The following GPHN variants were observed in gnomAD, a reference collection of about 807,000 sequenced individuals.
The protein encoded by GPHN is gephyrin.
A neutral mutation model predicts 95.5 loss-of-function variants in GPHN; 17 were observed. The ratio of observed to expected loss-of-function variants is 0.18; its 90% CI spans 0.12 to 0.27. The LOEUF (loss-of-function observed/expected upper bound fraction) is 0.27, where lower values mean the gene tolerates loss of function less well. GPHN is among the 10% of genes least tolerant of loss of function. The probability of loss-of-function intolerance (pLI) is 1.00; values close to 1 mark genes in which losing one functional copy is unlikely to be tolerated. For synonymous variants in GPHN, 320 were observed against 322.5 expected, an observed-to-expected ratio of 0.99 and a Z score of 0.08; for missense variants, 660 against 978.1, an observed-to-expected ratio of 0.67 and a Z score of 4.34.
At chr14:66,537,715 T>C (rs1019314202) in intron 1 of GPHN, among the ~76,000 whole-genome samples, 9 of 152,226 alleles carry the variant, frequency 5.9e-5, no homozygotes, top group African/African-American at 2.2e-4. Flanking sequence ...ATTCCTTTAA[T>C]ATTTCTTGTA....
At chr14:67,348,005 T>A in the GPHN span, among the ~76,000 whole-genome samples, 1 of 151,718 alleles carries the variant, frequency 6.6e-6, no homozygotes, top group African/African-American at 2.4e-5. Context: ...CACCGCCTCC[T>A]GGGGTCAAGT....
At chr14:66,524,139 AT>A (rs1171979501) in intron 1 of GPHN, among the ~76,000 whole-genome samples, 2 of 152,152 alleles carry the variant, frequency 1.3e-5, no homozygotes, top group East Asian at 3.8e-4. Context: ...TACTATGGTT[AT>A]GGAATACTAA....
the GPHN span, among the ~76,000 whole-genome samples, chr14:67,372,845 CAAA>C: frequency 6.6e-6 from 1 of 150,484 alleles, no homozygotes; most frequent in South Asian, 2.1e-4. Context: ...AAACAAAAAA[CAAA>C]CAAAAAAACC....
chr14:66,891,416 A>G (rs2064494066), intron 5 of GPHN, among the ~76,000 whole-genome samples: 1 of 152,164 alleles, frequency 6.6e-6, no homozygotes. Flanking sequence ...TTTTCAACGA[A>G]TGGTGTTGGG....
chr14:66,783,995 A>G (rs1022859332), intron 3 of GPHN, among the ~76,000 whole-genome samples: 22 of 152,222 alleles, frequency 1.4e-4, no homozygotes, highest in Non-Finnish European at 1.5e-5. Flanking sequence ...TCATACCAAG[A>G]ACAAGGAAAA....
At chr14:67,470,506 C>G in the GPHN span, 1 of 152,566 alleles carries the variant, frequency 6.6e-6, no homozygotes, top group East Asian at 1.9e-4. Context: ...GCCATGGCTC[C>G]CCTAAGGGCT....
At chr14:67,477,039 G>A in the GPHN span, among the ~76,000 whole-genome samples, 60 of 152,038 alleles carry the variant, frequency 3.9e-4, no homozygotes, top group Admixed American at 2.6e-4. Flanking sequence ...GGTGGCATGC[G>A]CCTATAATCC....
At chr14:67,534,835 C>A in the GPHN span, among the ~76,000 whole-genome samples, 2 of 152,056 alleles carry the variant, frequency 1.3e-5, no homozygotes, top group East Asian at 1.9e-4. Context: ...AAGTGTACAT[C>A]ATTTACCCCT....
chr14:67,459,428 T>C, the GPHN span, among the ~76,000 whole-genome samples: 3 of 152,212 alleles, frequency 2.0e-5, no homozygotes, highest in Non-Finnish European at 4.4e-5. Context: ...TCTGAGCTTG[T>C]TTTCTCTATT....
At chr14:67,354,790 A>G in the GPHN span, among the ~76,000 whole-genome samples, 1 of 152,150 alleles carries the variant, frequency 6.6e-6, no homozygotes, top group African/African-American at 2.4e-5. Context: ...ACTTTTTACT[A>G]CTATATTCTT....
intron 18 of GPHN, among the ~76,000 whole-genome samples, chr14:67,151,326 T>G (rs2081275895): frequency 6.6e-6 from 1 of 152,228 alleles, no homozygotes; most frequent in South Asian, 2.1e-4. Context: ...CTTAATTGAT[T>G]TGGCCTCAGA....
the GPHN span, among the ~76,000 whole-genome samples, chr14:67,280,850 T>TCTTTC: frequency 1.7e-5 from 2 of 120,118 alleles, no homozygotes; most frequent in African/African-American, 8.0e-5. Context: ...CTTCCTTCCT[T>TCTTTC]CCTTCCCTCC....
chr14:66,730,621 A>G (rs996760299), intron 2 of GPHN, among the ~76,000 whole-genome samples: 2 of 152,200 alleles, frequency 1.3e-5, no homozygotes, highest in Non-Finnish European at 2.9e-5. Flanking sequence ...TCGTTTTTTA[A>G]ACACTATGTT....
At position 67,058,870 on chromosome 14, in the gene GPHN, T is replaced by C. The variant is rs775387124; in HGVS notation, c.1144+84T>C. On this transcript the variant is annotated intron_variant, in intron 11 of 22. Transcript: ENST00000478722. ...ATGTAACATTAATGCACAGTTTTCC[T>C]GAAAAAGAAAGATTATTAACCATTA... The C allele has an allele frequency of 1.7e-5, 20 of 1,179,026 alleles. No homozygotes were observed. The South Asian group carries it at 2.4e-4, about 14-fold the overall frequency. The allele number at this position is 1,179,026 out of a possible 1,614,324, so 73.0% of individuals were successfully genotyped here. A position where few individuals can be genotyped will look rare whatever the true frequency, so the allele number is the denominator to read the frequency against.
At chr14:67,213,338 T>C in the GPHN span, among the ~76,000 whole-genome samples, 22,660 of 111,064 alleles carry the variant, frequency 0.2, 3,328 homozygotes, top group East Asian at 0.45. Flanking sequence ...CAACAGTCCC[T>C]GGAGTGTGAT....
intron 4 of GPHN, among the ~76,000 whole-genome samples, chr14:66,844,394 A>G (rs1213762166): frequency 6.6e-6 from 1 of 152,170 alleles, no homozygotes; most frequent in Non-Finnish European, 1.5e-5. Context: ...TACAAGAACC[A>G]AAGAAGAATT....
At chr14:67,022,541 CTTTTT>C (rs1214143019) in intron 9 of GPHN, among the ~76,000 whole-genome samples, 31 of 18,888 alleles carry the variant, frequency 1.6e-3, no homozygotes, top group African/African-American at 3.4e-3. Flanking sequence ...ATTATTTTTC[CTTTTT>C]TTTTTTTTTT....
At chr14:67,482,629 G>A in the GPHN span, among the ~76,000 whole-genome samples, 6 of 152,342 alleles carry the variant, frequency 3.9e-5, no homozygotes, top group East Asian at 7.7e-4. Flanking sequence ...GCCCTTGGGC[G>A]GCTCTGTGCT....
chr14:66,791,971 T>A lies in GPHN; in HGVS notation c.201+15450T>A, dbSNP rs2059985717. Among the ~76,000 whole-genome samples the A allele has an allele frequency of 2.6e-5, 4 of 152,154 alleles. No individual in the cohort carries two copies. The South Asian group carries it at 8.3e-4, about 32-fold the overall frequency. ...GAAGGAAAAGTCACATCTTACATGG[T>A]GACAGGCAAGAGAGCTTGTGCAGGG... On this transcript the variant is annotated intron_variant, in intron 3 of 22. Coordinates refer to ENST00000478722, the MANE Select transcript of GPHN (RefSeq NM_020806.5).
Sources: gnomAD v4.1 joint callset for allele counts (sites outside exome capture counted in the v4.1 genomes callset) on GRCh38, gnomAD v4.1.1 for gene constraint, MANE v1.5 for transcripts, NCBI Gene and HGNC (gene_info 2026-07-23, HGNC 2026-07-21) for gene names.